Variants in PARP12 observed in about 807,000 individuals in gnomAD.
The protein encoded by PARP12 is poly(ADP-ribose) polymerase family member 12.
Under a neutral mutation model 72.4 loss-of-function variants are expected in PARP12, and 59 were observed. The observed-to-expected ratio is 0.81, with a 90% confidence interval of 0.66 to 1.01. The LOEUF (loss-of-function observed/expected upper bound fraction) is 1.01, where lower values mean the gene tolerates loss of function less well. Ranked by LOEUF, PARP12 falls within the 50% of genes least tolerant of loss-of-function variation. PARP12 has a pLI of 0.00. For missense variants in PARP12, 851 were observed against 914.0 expected, an observed-to-expected ratio of 0.93 and a Z score of 0.89; for synonymous variants, 403 against 371.4, an observed-to-expected ratio of 1.09 and a Z score of -0.98.
chr7:140,054,677 T>C lies in PARP12; in HGVS notation c.847A>G (p.Ser283Gly). 1 of 1,613,340 alleles carries C rather than the reference T, an allele frequency of 6.2e-7. No individual in the cohort carries two copies. Among genetic ancestry groups the C allele is most frequent in the Non-Finnish European group, 8.5e-7 (1 of 1,179,298 alleles). ...DQICLYHIRKSCSFQDKCHRV... is the reference protein window; with the variant it reads ...DQICLYHIRKGCSFQDKCHRV... ...TCCAACTTACCTTGAAAGCTACAAC[T>C]TTTCCGGATATGGTACAAACAGATC... The change falls in exon 4 of 12, where the codon AGT (serine) becomes GGT (glycine). Residue 283 changes from serine to glycine, a missense_variant. Transcript: ENST00000263549.
intron 6 of PARP12, chr7:140,038,155 G>A (rs1384835513): frequency 1.0e-6 from 1 of 985,308 alleles, no homozygotes; most frequent in East Asian, 1.1e-4. Context: ...AGAGGACACG[G>A]CAGCCATTCA....
rs1569527409 is a variant in PARP12, at chr7:140,041,772, CG to C, written c.1053del (p.Tyr351Ter). ...SHCLNFNAMT[Y>X]GATQARRLST... is the part of the protein sequence containing the mutation. ...GAGAGGCGGCGAGCCTGGGTAGCAC[CG>C]TAAGTCATGGCGTTAAAGTTCAGAC... On this transcript the variant is annotated frameshift_variant, in exon 6 of 12. Coordinates refer to ENST00000263549, the MANE Select transcript of PARP12 (RefSeq NM_022750.4). LOFTEE classifies it high-confidence loss of function. The C allele has an allele frequency of 6.2e-7, 1 of 1,614,030 alleles. No homozygotes were observed.
chr7:140,062,668 C>CGCGGCT lies in PARP12; in HGVS notation c.174_179dup (p.Ala60_Ala61dup), dbSNP rs1817514698. On this transcript the variant is annotated inframe_insertion, in exon 1 of 12. Coordinates refer to ENST00000263549, the MANE Select transcript of PARP12 (RefSeq NM_022750.4). ...CGGCCAGCACCACGCGCTCCGGGGC[C>CGCGGCT]GCGGCTGCGCCGCCCGCCCGCACCG... 7.9e-7 allele frequency: 1 copy of CGCGGCT among 1,263,690 alleles called. No individual in the cohort carries two copies. Among genetic ancestry groups the CGCGGCT allele is most frequent in the African/African-American group, 1.6e-5 (1 of 63,594 alleles). The allele number at this position is 1,263,690 out of a possible 1,614,324, so 78.3% of individuals were successfully genotyped here.
rs142647210 is a variant in PARP12, at chr7:140,037,785, C to T, written c.1254G>A (p.Pro418=). ...VEKAYLAYCT[P]GSDGQAATLK... The stretch of plus-strand genomic sequence containing the variant: ...AGGTGGCTGCCTGGCCGTCAGACCC[C>T]GGTGTACAGTAGGCCAGGTAGGCCT... The change falls in exon 7 of 12, where the codon CCG becomes CCA. Residue 418 remains proline (P), a synonymous_variant. Coordinates refer to ENST00000263549, the MANE Select transcript of PARP12 (RefSeq NM_022750.4). The T allele has an allele frequency of 1.1e-5, 18 of 1,614,092 alleles. No homozygotes were observed. The highest frequency in any genetic ancestry group is 1.7e-5 in the Admixed American group (1 of 60,012).
rs978426821 is a variant in PARP12, at chr7:140,034,218, C to G, written c.1421+17G>C. On this transcript the variant is annotated intron_variant, in intron 8 of 11. Transcript: ENST00000263549. The stretch of plus-strand genomic sequence containing the variant: ...GCTGATTACATCCTAAGTACCAAGC[C>G]CCCCACTGCAACCTACCAGGTTTGC... 5.6e-6 allele frequency: 9 copies of G among 1,609,740 alleles called. No individual in the cohort carries two copies. The highest frequency in any genetic ancestry group is 7.6e-6 in the Non-Finnish European group (9 of 1,177,320).
chr7:140,040,512 C>T (rs923166403), intron 6 of PARP12, among the ~76,000 whole-genome samples: 4 of 152,186 alleles, frequency 2.6e-5, no homozygotes, highest in African/African-American at 9.7e-5. Flanking sequence ...CCTCCTCCTT[C>T]CATCAGCCAA....
intron 5 of PARP12, among the ~76,000 whole-genome samples, chr7:140,043,498 T>A (rs902692037): frequency 4.6e-5 from 7 of 152,092 alleles, no homozygotes; most frequent in Non-Finnish European, 7.4e-5. Context: ...CCTCCAAAAC[T>A]TTTTTTCTTT....
intron 4 of PARP12, among the ~76,000 whole-genome samples, chr7:140,047,506 G>A (rs906214178): frequency 1.3e-5 from 2 of 152,166 alleles, no homozygotes; most frequent in Non-Finnish European, 2.9e-5. Flanking sequence ...CCTCCATATA[G>A]GTAAGACATA....
At chr7:140,054,150 C>T (rs1171722484) in intron 4 of PARP12, among the ~76,000 whole-genome samples, 1 of 152,192 alleles carries the variant, frequency 6.6e-6, no homozygotes, top group Non-Finnish European at 1.5e-5. Flanking sequence ...GGCACATGCA[C>T]ACCAGAATTG....
chr7:140,042,853 A>G (rs79028501), intron 5 of PARP12, among the ~76,000 whole-genome samples: 8,945 of 152,256 alleles, frequency 0.059, 369 homozygotes, highest in Middle Eastern at 0.11. Flanking sequence ...TTCTCAGAGA[A>G]GCAAACACAC....
intron 1 of PARP12, among the ~76,000 whole-genome samples, chr7:140,061,911 C>T (rs527239160): frequency 1.0e-4 from 15 of 150,104 alleles, no homozygotes; most frequent in Non-Finnish European, 1.9e-4. Context: ...ACAAATAGGG[C>T]CAACCAAGAG....
At chr7:140,040,757 T>C (rs1816430946) in intron 6 of PARP12, among the ~76,000 whole-genome samples, 1 of 152,194 alleles carries the variant, frequency 6.6e-6, no homozygotes, top group African/African-American at 2.4e-5. Flanking sequence ...TCTTTATCAA[T>C]GGTGCCTTCC....
chr7:140,045,588 T>G (rs1386470904), intron 5 of PARP12, among the ~76,000 whole-genome samples: 11 of 152,232 alleles, frequency 7.2e-5, no homozygotes, highest in Admixed American at 7.2e-4. Flanking sequence ...TGGCTTAAGC[T>G]CAGCTAAAAG....
intron 6 of PARP12, chr7:140,038,433 G>A (rs1816312120): frequency 4.4e-6 from 2 of 456,194 alleles, no homozygotes; most frequent in African/African-American, 4.3e-5. Flanking sequence ...AAACCTGCTG[G>A]CTCTATAACT....
chr7:140,059,756 G>A (rs1469424168), intron 1 of PARP12, among the ~76,000 whole-genome samples: 2 of 152,244 alleles, frequency 1.3e-5, no homozygotes, highest in African/African-American at 2.4e-5. Context: ...GGAGGTGACA[G>A]ACATAGAGGA....
Position 140,041,690 on chromosome 7 carries a change from C to T in PARP12, c.1136G>A (p.Trp379Ter), listed in dbSNP as rs757597858. The T allele has an allele frequency of 1.1e-5, 17 of 1,614,120 alleles. No homozygotes were observed. The highest frequency in any genetic ancestry group is 1.3e-5 in the Non-Finnish European group (15 of 1,180,024). ...AGAACCAAACTCATCACTCCAGTAC[C>T]AAATCCAGTCAGTGGTGAGGATGAA... is the stretch of plus-strand genomic sequence containing the variant. Reference protein sequence around the residue: ...PHFILTTDWIWYWSDEFGSWQ... With the variant: ...PHFILTTDWI Residue 379 changes from tryptophan (W) to a stop codon, truncating the protein, a stop_gained, in exon 6 of 12, where the codon TGG becomes TAG. Coordinates refer to ENST00000263549, the MANE Select transcript of PARP12 (RefSeq NM_022750.4). LOFTEE classifies it high-confidence loss of function.
chr7:140,047,646 G>T (rs974833378), intron 4 of PARP12, among the ~76,000 whole-genome samples: 1 of 151,628 alleles, frequency 6.6e-6, no homozygotes, highest in African/African-American at 2.4e-5. Context: ...TTGAGACAGG[G>T]TCTCACTGTC....
rs369699225 is a variant in PARP12, at chr7:140,046,874, T to C, written c.986+10A>G. On this transcript the variant is annotated intron_variant, in intron 5 of 11. Coordinates refer to ENST00000263549, the MANE Select transcript of PARP12 (RefSeq NM_022750.4). Reference sequence around the variant, plus strand: ...AGGCACAAAGCAGAGACAAGGGACATATTTCCTACCTTTCTATTTTGGGAT... The same window carrying C: ...AGGCACAAAGCAGAGACAAGGGACACATTTCCTACCTTTCTATTTTGGGAT... 2.5e-5 allele frequency: 40 copies of C among 1,611,656 alleles called. No individual in the cohort carries two copies. The highest frequency in any genetic ancestry group is 3.3e-5 in the Non-Finnish European group (39 of 1,178,926).
intron 5 of PARP12, among the ~76,000 whole-genome samples, chr7:140,042,917 C>T (rs1316379954): frequency 1.3e-5 from 2 of 152,168 alleles, no homozygotes; most frequent in East Asian, 1.9e-4. Context: ...ATTTCTTGGC[C>T]GGGCATGGTG....
Sources: gnomAD v4.1 joint callset for allele counts (sites outside exome capture counted in the v4.1 genomes callset) on GRCh38, gnomAD v4.1.1 for gene constraint, MANE v1.5 for transcripts, NCBI Gene and HGNC (gene_info 2026-07-23, HGNC 2026-07-21) for gene names.